Variants in DPP10 observed in about 807,000 individuals in gnomAD.
DPP10 encodes the protein dipeptidyl peptidase like 10, also known as inactive dipeptidyl peptidase 10.
DPP10 carries 33 observed loss-of-function variants against 120.9 expected under a neutral mutation model. The observed-to-expected ratio is 0.27, with a 90% CI of 0.21 to 0.37. DPP10 has a LOEUF of 0.37. DPP10 is among the 10% of genes least tolerant of loss of function. The pLI is 1.00. For synonymous variants in DPP10, 337 were observed against 326.1 expected (o/e 1.03, Z -0.36); for missense variants, 816 against 942.8 (o/e 0.87, Z 1.76).
chr2:115,162,310 G>A, intron 1 of DPP10: 1 of 1,492,992 alleles, frequency 6.7e-7, no homozygotes, highest in Non-Finnish European at 8.9e-7. Flanking sequence ...CCCGGCGGGC[G>A]GCCCACCGAG....
At chr2:115,021,898 A>G (rs1703103352) in intron 1 of DPP10, among the ~76,000 whole-genome samples, 1 of 152,164 alleles carries the variant, frequency 6.6e-6, no homozygotes, top group Non-Finnish European at 1.5e-5. Flanking sequence ...AAATAGAATT[A>G]AAAACAAAAA....
chr2:114,587,063 C>T (rs1031436042), intron 1 of DPP10, among the ~76,000 whole-genome samples: 17 of 151,884 alleles, frequency 1.1e-4, no homozygotes, highest in African/African-American at 3.1e-4. Context: ...TTTGGGAGGC[C>T]GAGGCGGGCA....
intron 1 of DPP10, among the ~76,000 whole-genome samples, chr2:115,008,929 A>G (rs1316995265): frequency 5.3e-5 from 5 of 95,130 alleles, no homozygotes; most frequent in African/African-American, 1.8e-4. Context: ...TCAGGAAACA[A>G]CAGGTGCTGG....
At chr2:114,570,595 G>T (rs541007193) in intron 1 of DPP10, among the ~76,000 whole-genome samples, 1 of 151,980 alleles carries the variant, frequency 6.6e-6, no homozygotes, top group Non-Finnish European at 1.5e-5. Context: ...GGAGGCCAAG[G>T]CAGGTGGATC....
intron 5 of DPP10, among the ~76,000 whole-genome samples, chr2:115,567,309 C>T (rs1229347130): frequency 6.6e-6 from 1 of 152,038 alleles, no homozygotes; most frequent in Non-Finnish European, 1.5e-5. Flanking sequence ...CATTTTTAAA[C>T]TCTTATTCTT....
chr2:114,945,799 C>T (rs200139909), intron 1 of DPP10, among the ~76,000 whole-genome samples: 148 of 152,012 alleles, frequency 9.7e-4, no homozygotes, highest in Non-Finnish European at 1.8e-3. Context: ...CTGGGCAACA[C>T]GAGGGAAACT....
chr2:115,614,334 T>C (rs991320578), intron 5 of DPP10, among the ~76,000 whole-genome samples: 1 of 152,206 alleles, frequency 6.6e-6, no homozygotes, highest in African/African-American at 2.4e-5. Context: ...CCCAGTTATT[T>C]TGACTGCACA....
intron 1 of DPP10, among the ~76,000 whole-genome samples, chr2:115,089,592 T>A (rs1274199997): frequency 6.6e-6 from 1 of 152,220 alleles, no homozygotes; most frequent in African/African-American, 2.4e-5. Context: ...CCCTTCAACT[T>A]TCTTCACCCT....
chr2:115,451,047 T>C (rs1412455757), intron 3 of DPP10, among the ~76,000 whole-genome samples: 1 of 151,912 alleles, frequency 6.6e-6, no homozygotes, highest in African/African-American at 2.4e-5. Flanking sequence ...ACAAACCTTC[T>C]AAATGGAAAA....
chr2:115,765,920 G>A (rs914366714), intron 12 of DPP10, among the ~76,000 whole-genome samples: 2 of 151,924 alleles, frequency 1.3e-5, no homozygotes, highest in Admixed American at 6.6e-5. Flanking sequence ...TGTTCATAAG[G>A]CAGTTAAGGA....
In DPP10 at chr2:114,486,548, A is replaced by G. The variant is rs182383068; in HGVS notation, c.60+43710A>G. Among the ~76,000 whole-genome samples the G allele has an allele frequency of 2.0e-5, 3 of 152,218 alleles. No individual in the cohort carries two copies. The East Asian group carries it at 5.8e-4, about 29-fold the overall frequency. On this transcript the variant is annotated intron_variant, in intron 1 of 25. Transcript: ENST00000410059. ...CCCTTTTAATTCTTTATTATCACAA[A>G]TAGCATTGGATATAAGGAGTGTGTA...
In DPP10 at chr2:115,158,694, T is replaced by A. The variant is rs534627901; in HGVS notation, c.61-150545T>A. 3.3e-5 allele frequency among the ~76,000 whole-genome samples: 5 copies of A among 152,346 alleles called. No homozygotes were observed. In the South Asian group the frequency reaches 1.0e-3, roughly 32 times the overall value. On this transcript the variant is annotated intron_variant, in intron 1 of 25. Coordinates refer to ENST00000410059, the MANE Select transcript of DPP10 (RefSeq NM_020868.6). ...TTCCCATGAAAAGTGTAGAAAAACT[T>A]CCTTTACTGTTATATGAATGTTATA...
intron 5 of DPP10, among the ~76,000 whole-genome samples, chr2:115,580,395 T>A (rs1001199107): frequency 6.6e-6 from 1 of 152,210 alleles, no homozygotes; most frequent in Non-Finnish European, 1.5e-5. Flanking sequence ...ATCATTATAA[T>A]CAACATTATT....
intron 1 of DPP10, among the ~76,000 whole-genome samples, chr2:114,813,224 C>T (rs1014077989): frequency 6.6e-6 from 1 of 152,058 alleles, no homozygotes; most frequent in African/African-American, 2.4e-5. Flanking sequence ...AAATGATATA[C>T]AATTTACTGC....
At chr2:114,741,632 G>A (rs145271731) in intron 1 of DPP10, among the ~76,000 whole-genome samples, 48 of 152,286 alleles carry the variant, frequency 3.2e-4, no homozygotes, top group African/African-American at 1.1e-3. Context: ...TAAGGTCTTT[G>A]CAGATGCACT....
intron 1 of DPP10, among the ~76,000 whole-genome samples, chr2:115,070,577 G>GCTAACCTA: frequency 6.6e-6 from 1 of 152,088 alleles, no homozygotes; most frequent in South Asian, 2.1e-4. Flanking sequence ...TCATTGATCA[G>GCTAACCTA]ACACATTTAT....
intron 1 of DPP10, among the ~76,000 whole-genome samples, chr2:115,024,248 T>C (rs539181132): frequency 7.8e-4 from 119 of 152,292 alleles, no homozygotes; most frequent in African/African-American, 2.8e-3. Flanking sequence ...TAGTTGAGTC[T>C]TGGTTTTTAA....
chr2:115,264,742 G>C (rs1054315081), intron 1 of DPP10, among the ~76,000 whole-genome samples: 2 of 152,156 alleles, frequency 1.3e-5, no homozygotes, highest in Non-Finnish European at 2.9e-5. Context: ...TTGGAATGAT[G>C]TTTAAGAAAG....
chr2:115,525,721 A>G (rs2078091198), intron 4 of DPP10, among the ~76,000 whole-genome samples, 177 bp from the exon 5 acceptor site: 1 of 152,072 alleles, frequency 6.6e-6, no homozygotes, highest in Non-Finnish European at 1.5e-5. Flanking sequence ...GTCCTCTTTA[A>G]GCTTTTTATA....
Sources: gnomAD v4.1 joint callset for allele counts (sites outside exome capture counted in the v4.1 genomes callset) on GRCh38, gnomAD v4.1.1 for gene constraint, MANE v1.5 for transcripts, NCBI Gene and HGNC (gene_info 2026-07-23, HGNC 2026-07-21) for gene names.